The following TXLNB variants were observed in gnomAD, a reference collection of about 807,000 sequenced individuals.
The protein encoded by TXLNB is taxilin beta.
TXLNB carries 37 observed loss-of-function variants against 57.4 expected under a neutral mutation model. The ratio of observed to expected loss-of-function variants is 0.64; its 90% CI spans 0.50 to 0.85. The LOEUF (loss-of-function observed/expected upper bound fraction) is 0.85, where lower values mean the gene tolerates loss of function less well. Ranked by LOEUF, TXLNB falls within the 40% of genes least tolerant of loss-of-function variation. The pLI is 0.00. For synonymous variants in TXLNB, 302 were observed against 309.6 expected (o/e 0.98, Z 0.26); for missense variants, 848 against 825.6 (o/e 1.03, Z -0.33).
chr6:139,187,780 A>C, the TXLNB span, among the ~76,000 whole-genome samples: 2 of 152,152 alleles, frequency 1.3e-5, no homozygotes, highest in Non-Finnish European at 2.9e-5. Context: ...TAATTGCTGG[A>C]TTGGTTAAGG....
the TXLNB span, among the ~76,000 whole-genome samples, chr6:139,196,780 A>G: frequency 6.6e-6 from 1 of 152,176 alleles, no homozygotes; most frequent in Non-Finnish European, 1.5e-5. Flanking sequence ...CCAAGATAGC[A>G]GTTTCTAAGA....
the TXLNB span, among the ~76,000 whole-genome samples, chr6:139,228,363 A>G: frequency 6.6e-6 from 1 of 151,972 alleles, no homozygotes. Context: ...CATCTCTACT[A>G]AAAATACAAA....
At chr6:139,180,838 T>C in the TXLNB span, 3 of 152,646 alleles carry the variant, frequency 2.0e-5, no homozygotes, top group Non-Finnish European at 4.4e-5. Flanking sequence ...ACTTTATTTT[T>C]CATTGAGATT....
chr6:139,321,861 T>C, the TXLNB span, among the ~76,000 whole-genome samples: 5 of 152,190 alleles, frequency 3.3e-5, no homozygotes, highest in African/African-American at 9.6e-5. Context: ...CTCGATCTCC[T>C]GACCTCGTGA....
the TXLNB span, among the ~76,000 whole-genome samples, chr6:139,215,707 A>G: frequency 6.6e-6 from 1 of 152,228 alleles, no homozygotes; most frequent in Non-Finnish European, 1.5e-5. Flanking sequence ...GAATGGGAGA[A>G]AATTTTTGCA....
At chr6:139,188,959 T>C in the TXLNB span, among the ~76,000 whole-genome samples, 2 of 152,358 alleles carry the variant, frequency 1.3e-5, no homozygotes, top group East Asian at 3.9e-4. Context: ...TTTCACAACA[T>C]TGGCCAGGCT....
At chr6:139,217,702 A>G in the TXLNB span, among the ~76,000 whole-genome samples, 1 of 151,834 alleles carries the variant, frequency 6.6e-6, no homozygotes, top group Non-Finnish European at 1.5e-5. Context: ...CCCTGTTTCT[A>G]CTAAAAAATA....
chr6:139,226,571 A>C, the TXLNB span, among the ~76,000 whole-genome samples: 9 of 152,196 alleles, frequency 5.9e-5, no homozygotes, highest in Non-Finnish European at 1.0e-4. Context: ...GCTTTCCAGA[A>C]ATATAAAGCA....
At chr6:139,260,959 G>C (rs993028971) in intron 5 of TXLNB, among the ~76,000 whole-genome samples, 6 of 152,182 alleles carry the variant, frequency 3.9e-5, no homozygotes, top group African/African-American at 1.4e-4. Context: ...CTGGGAGTGA[G>C]GCCTGAGCCC....
At chr6:139,279,074 G>T (rs1170197524) in intron 2 of TXLNB, among the ~76,000 whole-genome samples, 5 of 152,264 alleles carry the variant, frequency 3.3e-5, no homozygotes. Flanking sequence ...AATTTTTTGT[G>T]ACCAACTAGA....
chr6:139,266,264 T>A (rs1776612463), intron 4 of TXLNB, among the ~76,000 whole-genome samples: 1 of 152,220 alleles, frequency 6.6e-6, no homozygotes, highest in South Asian at 2.1e-4. Context: ...AGAAGGCTTT[T>A]TCTACAATGC....
At chr6:139,217,761 C>T in the TXLNB span, among the ~76,000 whole-genome samples, 2,428 of 146,546 alleles carry the variant, frequency 0.017, 44 homozygotes, top group African/African-American at 0.05. Context: ...CCCAGCTACT[C>T]GGGTGGCTGA....
the TXLNB span, among the ~76,000 whole-genome samples, chr6:139,211,962 A>G: frequency 1.3e-5 from 2 of 152,234 alleles, no homozygotes; most frequent in Non-Finnish European, 2.9e-5. Flanking sequence ...AAAGCCTCCA[A>G]GAAATATGGG....
the TXLNB span, chr6:139,166,459 CCG>C: frequency 1.2e-6 from 2 of 1,614,212 alleles, no homozygotes; most frequent in Non-Finnish European, 1.7e-6. Flanking sequence ...ACTGCATCGG[CCG>C]CGCGCGCAGC....
At chr6:139,217,825 TG>T in the TXLNB span, among the ~76,000 whole-genome samples, 1 of 130,340 alleles carries the variant, frequency 7.7e-6, no homozygotes, top group African/African-American at 3.0e-5. Context: ...GCCAAGATGA[TG>T]CCACTGCACT....
chr6:139,243,138 G>A lies in TXLNB; in HGVS notation c.1443C>T (p.Asn481=). 1 of 1,614,152 alleles carries A rather than the reference G, an allele frequency of 6.2e-7. No homozygotes were observed. The highest frequency in any genetic ancestry group is 8.5e-7 in the Non-Finnish European group (1 of 1,180,038). Residue 481 remains asparagine, a synonymous_variant, in exon 10 of 10, where the codon AAC becomes AAT. Coordinates refer to ENST00000358430, the MANE Select transcript of TXLNB (RefSeq NM_153235.4). Reference sequence around the variant, plus strand: ...CGTCAATCTCTTGATCCACAGAGACGTTTGACTCTGGCTCTTCATCGGAGT... The same window carrying A: ...CGTCAATCTCTTGATCCACAGAGACATTTGACTCTGGCTCTTCATCGGAGT... ...QHNSDEEPES[N]VSVDQEIDAE... is the part of the protein sequence containing the mutation.
chr6:139,236,066 C>T (rs576540850), downstream of TXLNB, among the ~76,000 whole-genome samples: 1 of 152,126 alleles, frequency 6.6e-6, no homozygotes, highest in Non-Finnish European at 1.5e-5. Flanking sequence ...TCTGGCCTCC[C>T]CATTCACCTC....
the TXLNB span, among the ~76,000 whole-genome samples, chr6:139,321,542 C>CTTT: frequency 9.1e-5 from 12 of 131,448 alleles, no homozygotes; most frequent in African/African-American, 2.0e-4. Context: ...CTGAGCTCTC[C>CTTT]TTTTTTTTTT....
Position 139,240,364 on chromosome 6 carries a change from G to T in TXLNB, c.*2162C>A, listed in dbSNP as rs1273044081. The stretch of plus-strand genomic sequence containing the variant: ...TCATTCCATCTGAAACTCTGTCCAA[G>T]ATATACATGGCTGTGAGTAATGTGT... On this transcript the variant is annotated 3_prime_UTR_variant, in exon 10 of 10. Coordinates refer to ENST00000358430, the MANE Select transcript of TXLNB (RefSeq NM_153235.4). The T allele has an allele frequency of 6.6e-6, 1 of 152,626 alleles. No homozygotes were observed. Among genetic ancestry groups the T allele is most frequent in the Non-Finnish European group, 1.5e-5 (1 of 68,048 alleles). 9.5% of individuals were successfully genotyped at this position (152,626 alleles called of 1,614,324 possible). A position where few individuals can be genotyped will look rare whatever the true frequency, so the allele number is the denominator to read the frequency against.
Sources: allele counts gnomAD v4.1 joint callset (sites outside exome capture counted in the v4.1 genomes callset), GRCh38; gene constraint gnomAD v4.1.1; transcripts MANE v1.5; gene names NCBI Gene and HGNC (gene_info 2026-07-23, HGNC 2026-07-21).